The following CTIF variants were observed in gnomAD, a reference collection of about 807,000 sequenced individuals.
The protein encoded by CTIF is cap binding complex dependent translation initiation factor, also known as CBP80/20-dependent translation initiation factor.
CTIF carries 21 observed loss-of-function variants against 66.0 expected under a neutral mutation model. The ratio of observed to expected loss-of-function variants is 0.32; its 90% CI spans 0.23 to 0.46. The LOEUF (loss-of-function observed/expected upper bound fraction) is 0.46, where lower values mean the gene tolerates loss of function less well. Among genes scored for constraint, CTIF ranks in the 20% least tolerant of loss-of-function variants. The probability of loss-of-function intolerance (pLI) is 1.00; values close to 1 mark genes in which losing one functional copy is unlikely to be tolerated. For missense variants in CTIF, 739 were observed against 812.7 expected (o/e 0.91, Z 1.10); for synonymous variants, 345 against 326.4 (o/e 1.06, Z -0.62).
At chr18:48,734,547 C>G (rs1414108643) in intron 7 of CTIF, among the ~76,000 whole-genome samples, 1 of 152,184 alleles carries the variant, frequency 6.6e-6, no homozygotes, top group Non-Finnish European at 1.5e-5. Context: ...GCCTGGGTGA[C>G]AGAGTGAGTG....
intron 7 of CTIF, among the ~76,000 whole-genome samples, chr18:48,720,040 A>G (rs114702521): frequency 3.3e-5 from 5 of 152,332 alleles, no homozygotes; most frequent in African/African-American, 9.6e-5. Flanking sequence ...GCTTGCAGGA[A>G]CCAAACCCCG....
At chr18:48,739,113 G>A (rs2092531776) in intron 7 of CTIF, among the ~76,000 whole-genome samples, 1 of 152,176 alleles carries the variant, frequency 6.6e-6, no homozygotes, top group Non-Finnish European at 1.5e-5. Context: ...ACCTCCCAGG[G>A]CCTGTGACAT....
intron 1 of CTIF, among the ~76,000 whole-genome samples, chr18:48,560,736 A>G (rs965245187): frequency 6.6e-6 from 1 of 151,500 alleles, no homozygotes; most frequent in South Asian, 2.1e-4. Flanking sequence ...GTACCCCACA[A>G]AATTTGTTGT....
chr18:48,694,752 A>C (rs1020328158), intron 6 of CTIF, among the ~76,000 whole-genome samples: 1 of 152,376 alleles, frequency 6.6e-6, no homozygotes, highest in African/African-American at 2.4e-5. Flanking sequence ...CTATAGTCAG[A>C]GAGAATGGTA....
chr18:48,637,660 G>A (rs976952913), intron 3 of CTIF, among the ~76,000 whole-genome samples: 3 of 152,174 alleles, frequency 2.0e-5, no homozygotes, highest in African/African-American at 7.2e-5. Flanking sequence ...CTGGTCAGTG[G>A]CCTTGGTTCT....
intron 7 of CTIF, among the ~76,000 whole-genome samples, chr18:48,714,403 G>C (rs150897050): frequency 9.5e-4 from 145 of 152,294 alleles, no homozygotes; most frequent in African/African-American, 3.4e-3. Context: ...GAAGGGAAGG[G>C]GCCAGCTGTA....
At chr18:48,687,748 A>G (rs905573729) in intron 6 of CTIF, among the ~76,000 whole-genome samples, 1 of 152,220 alleles carries the variant, frequency 6.6e-6, no homozygotes, top group Non-Finnish European at 1.5e-5. Flanking sequence ...TGCAAAGGTG[A>G]GCCTGAAAGC....
intron 2 of CTIF, among the ~76,000 whole-genome samples, chr18:48,634,161 G>A (rs758033656): frequency 1.1e-4 from 17 of 152,134 alleles, no homozygotes; most frequent in East Asian, 1.9e-4. Context: ...TTTGGGTGGC[G>A]TGATGTTTTC....
intron 1 of CTIF, among the ~76,000 whole-genome samples, chr18:48,608,284 C>G (rs1420575631): frequency 6.6e-6 from 1 of 152,178 alleles, no homozygotes; most frequent in Non-Finnish European, 1.5e-5. Context: ...CTCGATCATC[C>G]AGTTTTTTCA....
intron 1 of CTIF, among the ~76,000 whole-genome samples, chr18:48,569,080 C>T (rs2089351731): frequency 6.6e-6 from 1 of 152,198 alleles, no homozygotes; most frequent in African/African-American, 2.4e-5. Context: ...CTCCTCCTCT[C>T]ATAAGGACAC....
chr18:48,829,745 C>T (rs2068652214), intron 10 of CTIF, among the ~76,000 whole-genome samples: 1 of 152,202 alleles, frequency 6.6e-6, no homozygotes, highest in Non-Finnish European at 1.5e-5. Flanking sequence ...GCACTAAGAG[C>T]CGAGGGTGAA....
chr18:48,648,522 C>T (rs990914782), intron 3 of CTIF, among the ~76,000 whole-genome samples: 2 of 151,886 alleles, frequency 1.3e-5, no homozygotes, highest in Admixed American at 1.3e-4. Flanking sequence ...CATGGTGTTG[C>T]CATGATAGGC....
intron 10 of CTIF, among the ~76,000 whole-genome samples, chr18:48,823,375 C>T (rs1330662969): frequency 6.6e-6 from 1 of 152,122 alleles, no homozygotes; most frequent in African/African-American, 2.4e-5. Context: ...ATTTCTTCTT[C>T]GTGTGGATAT....
intron 3 of CTIF, among the ~76,000 whole-genome samples, chr18:48,652,363 CAAAT>C (rs754140985): frequency 2.1e-4 from 32 of 152,204 alleles, no homozygotes; most frequent in Non-Finnish European, 4.1e-4. Flanking sequence ...CACCTCTACA[CAAAT>C]AAACTAGAAA....
chr18:48,720,841 A>C (rs1476323900), intron 7 of CTIF, among the ~76,000 whole-genome samples: 2 of 152,172 alleles, frequency 1.3e-5, no homozygotes, highest in Admixed American at 1.3e-4. Flanking sequence ...AGCTGCAGAG[A>C]GTGGCCCTGT....
At chr18:48,855,166 G>A (rs1213197100) in intron 10 of CTIF, among the ~76,000 whole-genome samples, 1 of 152,102 alleles carries the variant, frequency 6.6e-6, no homozygotes. Context: ...GTGCCACCTC[G>A]GCATCTCTCT....
intron 3 of CTIF, among the ~76,000 whole-genome samples, chr18:48,655,243 TGCAGTAA>T (rs369538935): frequency 5.9e-4 from 87 of 148,242 alleles, no homozygotes; most frequent in African/African-American, 2.0e-3. Context: ...AGGCCGAGGT[TGCAGTAA>T]GCTGAGATCA....
intron 10 of CTIF, among the ~76,000 whole-genome samples, chr18:48,850,857 A>AGC (rs2069183862): frequency 6.6e-6 from 1 of 152,240 alleles, no homozygotes; most frequent in Non-Finnish European, 1.5e-5. Context: ...CTCAAAAGCC[A>AGC]GCAACCAAGC....
chr18:48,581,006 G>T (rs988717029), intron 1 of CTIF, among the ~76,000 whole-genome samples: 1 of 152,214 alleles, frequency 6.6e-6, no homozygotes, highest in Admixed American at 6.5e-5. Context: ...CTGCAGTACT[G>T]CCCGGGGGCT....
Sources: allele counts gnomAD v4.1 joint callset (sites outside exome capture counted in the v4.1 genomes callset), GRCh38; gene constraint gnomAD v4.1.1; transcripts MANE v1.5; gene names NCBI Gene and HGNC (gene_info 2026-07-23, HGNC 2026-07-21).